Variants in MGAT4C observed in about 807,000 individuals in gnomAD.
MGAT4C encodes the protein MGAT4 family member C, also known as alpha-1,3-mannosyl-glycoprotein 4-beta-N-acetylglucosaminyltransferase C.
In MGAT4C, 19 loss-of-function variants were observed where a neutral mutation model predicts 40.1. The ratio of observed to expected loss-of-function variants is 0.47; its 90% CI spans 0.33 to 0.70. The LOEUF (loss-of-function observed/expected upper bound fraction) is 0.70. Ranked by LOEUF, MGAT4C falls within the 30% of genes least tolerant of loss-of-function variation. MGAT4C has a pLI of 0.02. For missense variants in MGAT4C, 491 were observed against 563.2 expected, an observed-to-expected ratio of 0.87 and a Z score of 1.30; for synonymous variants, 181 against 187.1, an observed-to-expected ratio of 0.97 and a Z score of 0.27.
chr12:86,305,307 C>T (rs993597657), intron 4 of MGAT4C, among the ~76,000 whole-genome samples: 4 of 149,706 alleles, frequency 2.7e-5, no homozygotes, highest in Non-Finnish European at 2.9e-5. Context: ...GGCATGGTGG[C>T]GCATGCCTGT....
chr12:86,023,066 T>C (rs917792336), intron 2 of MGAT4C, among the ~76,000 whole-genome samples: 2 of 152,238 alleles, frequency 1.3e-5, no homozygotes, highest in South Asian at 2.1e-4. Context: ...TGAGCAGAAA[T>C]AGTTTAAGTT....
intron 1 of MGAT4C, among the ~76,000 whole-genome samples, chr12:86,149,003 A>G (rs1369078825): frequency 1.3e-5 from 2 of 152,200 alleles, no homozygotes; most frequent in Non-Finnish European, 1.5e-5. Context: ...GACATGATAT[A>G]TCAGTGGGAG....
chr12:86,542,378 G>A (rs1004910183), intron 2 of MGAT4C, among the ~76,000 whole-genome samples: 7 of 151,948 alleles, frequency 4.6e-5, no homozygotes, highest in Non-Finnish European at 1.0e-4. Context: ...CAGAAATACA[G>A]AATCTGTTAC....
chr12:86,814,588 T>C (rs1952564115), intron 1 of MGAT4C, among the ~76,000 whole-genome samples: 1 of 151,922 alleles, frequency 6.6e-6, no homozygotes, highest in African/African-American at 2.4e-5. Flanking sequence ...CCAAAGAAGA[T>C]TACTTAGATG....
At chr12:86,766,721 A>G (rs1409893351) in intron 1 of MGAT4C, among the ~76,000 whole-genome samples, 1 of 152,130 alleles carries the variant, frequency 6.6e-6, no homozygotes, top group Non-Finnish European at 1.5e-5. Flanking sequence ...AACTCACTCA[A>G]AACCGCTCAA....
At chr12:86,815,292 C>G (rs118162615) in intron 1 of MGAT4C, among the ~76,000 whole-genome samples, 3 of 151,798 alleles carry the variant, frequency 2.0e-5, no homozygotes, top group Non-Finnish European at 4.4e-5. Context: ...AAAACCACAA[C>G]GCAATACCGC....
At chr12:86,398,094 T>C (rs1956292665) in intron 3 of MGAT4C, among the ~76,000 whole-genome samples, 1 of 152,248 alleles carries the variant, frequency 6.6e-6, no homozygotes, top group Non-Finnish European at 1.5e-5. Context: ...AGTTTCCTGA[T>C]GCCACTATAA....
At position 86,521,841 on chromosome 12, in the gene MGAT4C, A is replaced by C. The variant is rs182497733; in HGVS notation, c.-228-86576T>G. Among the ~76,000 whole-genome samples the C allele has an allele frequency of 2.0e-5, 3 of 152,024 alleles. No individual in the cohort carries two copies. The East Asian group carries it at 5.8e-4, about 29-fold the overall frequency. On this transcript the variant is annotated intron_variant, in intron 2 of 7. Transcript: ENST00000548651. ...CACCTCCTTGGTTAGCTGTATTCCC[A>C]GTCATTTCATTCTTTTTGTGGTGAT...
At chr12:85,999,608 T>TATATATATATATATAC (rs1555203111) in intron 2 of MGAT4C, among the ~76,000 whole-genome samples, 3 of 141,870 alleles carry the variant, frequency 2.1e-5, no homozygotes, top group African/African-American at 7.7e-5. Flanking sequence ...TATATATATA[T>TATATATATATATATAC]ACATACACAA....
chr12:86,624,293 G>A (rs1357493319), intron 2 of MGAT4C, among the ~76,000 whole-genome samples: 1 of 152,140 alleles, frequency 6.6e-6, no homozygotes, highest in East Asian at 1.9e-4. Context: ...AGGGAGCATT[G>A]TGTGTACCCA....
Position 86,044,830 on chromosome 12 carries a change from G to A in MGAT4C, c.-7+4844C>T, listed in dbSNP as rs146768305. ...TGCAGACGTTCCCACACCATACCCC[G>A]TGAGTTCAGCACAGGATAGAGTCCT... On this transcript the variant is annotated intron_variant, in intron 2 of 4. Coordinates refer to ENST00000611864, the MANE Select transcript of MGAT4C (RefSeq NM_001351288.2). Among the ~76,000 whole-genome samples the A allele has an allele frequency of 2.7e-3, 413 of 152,196 alleles. 3 individuals are homozygous for A. The highest frequency in any genetic ancestry group is 0.01 in the Middle Eastern group (3 of 294).
At chr12:86,764,013 C>T (rs933959118) in intron 1 of MGAT4C, among the ~76,000 whole-genome samples, 8 of 151,932 alleles carry the variant, frequency 5.3e-5, no homozygotes, top group Admixed American at 2.0e-4. Flanking sequence ...ACAGTTGGTG[C>T]GGGGCAGTGG....
chr12:86,600,876 A>G (rs1961745644), intron 2 of MGAT4C, among the ~76,000 whole-genome samples: 1 of 152,214 alleles, frequency 6.6e-6, no homozygotes, highest in Admixed American at 6.5e-5. Context: ...CAGGCTCAGA[A>G]GTTCCTGTTC....
chr12:86,634,001 C>T (rs764216407), intron 2 of MGAT4C, among the ~76,000 whole-genome samples: 93 of 151,794 alleles, frequency 6.1e-4, no homozygotes, highest in Non-Finnish European at 9.7e-4. Context: ...AAGAAATCAA[C>T]GGGGAAACAG....
chr12:85,959,667 A>G lies in MGAT4C; in HGVS notation c.*19622T>C, dbSNP rs751083493. The stretch of plus-strand genomic sequence containing the variant: ...TAGTTTCTCAGAGCAACCGCCGCTC[A>G]TCTTTCACTCACCTTAACAATTTCT... On this transcript the variant is annotated 3_prime_UTR_variant, in exon 5 of 5. Coordinates refer to ENST00000611864, the MANE Select transcript of MGAT4C (RefSeq NM_001351288.2). 2 of 150,130 alleles carry G rather than the reference A, an allele frequency of 1.3e-5. No individual in the cohort carries two copies. The highest frequency in any genetic ancestry group is 2.4e-5 in the African/African-American group (1 of 40,944). 9.3% of individuals were successfully genotyped at this position (150,130 alleles called of 1,614,324 possible). A position where few individuals can be genotyped will look rare whatever the true frequency, so the allele number is the denominator to read the frequency against.
chr12:86,605,254 T>G (rs1346857759), intron 2 of MGAT4C, among the ~76,000 whole-genome samples: 5 of 152,060 alleles, frequency 3.3e-5, no homozygotes, highest in African/African-American at 1.2e-4. Flanking sequence ...TATAATTGCT[T>G]CCTAATTATT....
chr12:85,982,517 T>C (rs1194231166), intron 4 of MGAT4C, among the ~76,000 whole-genome samples: 2 of 152,188 alleles, frequency 1.3e-5, no homozygotes, highest in African/African-American at 2.4e-5. Context: ...CATTGAAACA[T>C]TTAAAAATCA....
chr12:86,816,526 A>G (rs1952610166), intron 1 of MGAT4C, among the ~76,000 whole-genome samples: 1 of 151,772 alleles, frequency 6.6e-6, no homozygotes, highest in African/African-American at 2.4e-5. Flanking sequence ...AACAAGCTTT[A>G]ATATGAAGGT....
chr12:86,554,383 G>T (rs983114427), intron 2 of MGAT4C, among the ~76,000 whole-genome samples: 2 of 151,862 alleles, frequency 1.3e-5, no homozygotes, highest in African/African-American at 4.8e-5. Context: ...TCACTTTTAG[G>T]TACACTTGTC....
Sources: allele counts gnomAD v4.1 joint callset (sites outside exome capture counted in the v4.1 genomes callset), GRCh38; gene constraint gnomAD v4.1.1; transcripts MANE v1.5; gene names NCBI Gene and HGNC (gene_info 2026-07-23, HGNC 2026-07-21).